Variants in RAPGEF5 observed in about 807,000 individuals in gnomAD.
RAPGEF5 encodes the protein Rap guanine nucleotide exchange factor 5.
Under a neutral mutation model 125.2 loss-of-function variants are expected in RAPGEF5, and 65 were observed. The ratio of observed to expected loss-of-function variants is 0.52; its 90% CI spans 0.43 to 0.64. The LOEUF (loss-of-function observed/expected upper bound fraction) is 0.64. Ranked by LOEUF, RAPGEF5 falls within the 30% of genes least tolerant of loss-of-function variation. The pLI is 0.00. For missense variants in RAPGEF5, 958 were observed against 1,048.1 expected, an observed-to-expected ratio of 0.91 and a Z score of 1.19; for synonymous variants, 391 against 385.9, an observed-to-expected ratio of 1.01 and a Z score of -0.16.
rs1332853547 is a variant in RAPGEF5 at position 22,156,793 on chromosome 7, C to T, written c.1636+17G>A. On this transcript the variant is annotated intron_variant, in intron 16 of 25. Transcript: ENST00000665637. ...ACTGCTGCCCACCCCCAAACCCTCA[C>T]TTCAAACCATACTCACTTTCCTCCG... 2.5e-6 allele frequency: 4 copies of T among 1,613,844 alleles called. No homozygotes were observed. The highest frequency in any genetic ancestry group is 3.3e-5 in the Admixed American group (2 of 60,026).
intron 7 of RAPGEF5, among the ~76,000 whole-genome samples, chr7:22,239,820 T>C (rs1786279567): frequency 6.6e-6 from 1 of 152,192 alleles, no homozygotes; most frequent in Non-Finnish European, 1.5e-5. Flanking sequence ...GCATAAATAC[T>C]TATCCCACTG....
At chr7:22,190,446 G>C (rs1323453839) in intron 11 of RAPGEF5, among the ~76,000 whole-genome samples, 1 of 152,112 alleles carries the variant, frequency 6.6e-6, no homozygotes, top group Non-Finnish European at 1.5e-5. Flanking sequence ...ATCATTAGTA[G>C]GTTGCTTTTA....
At chr7:22,215,112 A>G (rs1785604632) in intron 9 of RAPGEF5, among the ~76,000 whole-genome samples, 1 of 152,178 alleles carries the variant, frequency 6.6e-6, no homozygotes, top group Non-Finnish European at 1.5e-5. Context: ...TCTAGAATGA[A>G]GTAAAACTTC....
chr7:22,258,620 G>C (rs1394671929), intron 7 of RAPGEF5, among the ~76,000 whole-genome samples: 4 of 76,836 alleles, frequency 5.2e-5, no homozygotes, highest in Admixed American at 2.1e-4. Flanking sequence ...GCGAAACTCC[G>C]TCTCAAAAAA....
chr7:22,233,685 A>C (rs1308251172), intron 7 of RAPGEF5, among the ~76,000 whole-genome samples: 1 of 152,154 alleles, frequency 6.6e-6, no homozygotes, highest in African/African-American at 2.4e-5. Flanking sequence ...GGTATGAGCC[A>C]CCTCACCTGG....
intron 7 of RAPGEF5, among the ~76,000 whole-genome samples, chr7:22,250,059 A>G (rs1786580203): frequency 6.6e-6 from 1 of 152,322 alleles, no homozygotes; most frequent in African/African-American, 2.4e-5. Flanking sequence ...TTTACAAAGT[A>G]TCTATCTATC....
chr7:22,276,458 A>T (rs1040114112), intron 6 of RAPGEF5, among the ~76,000 whole-genome samples: 3 of 152,228 alleles, frequency 2.0e-5, no homozygotes, highest in Non-Finnish European at 4.4e-5. Context: ...AACTACATCA[A>T]CAGTGAAGTC....
At chr7:22,131,145 A>G in intron 23 of RAPGEF5, 44 bp from the exon 24 acceptor site, 1 of 1,499,260 alleles carries the variant, frequency 6.7e-7, no homozygotes, top group Non-Finnish European at 8.9e-7. Context: ...TTAGGAATGG[A>G]TCATGAGTCA....
At chr7:22,272,102 G>A (rs189551925) in intron 6 of RAPGEF5, among the ~76,000 whole-genome samples, 1 of 152,072 alleles carries the variant, frequency 6.6e-6, no homozygotes, top group African/African-American at 2.4e-5. Flanking sequence ...CCAGCACTTT[G>A]GGAGGTCGAG....
At chr7:22,349,301 G>A (rs1336933769) in intron 1 of RAPGEF5, among the ~76,000 whole-genome samples, 1 of 151,310 alleles carries the variant, frequency 6.6e-6, no homozygotes, top group Non-Finnish European at 1.5e-5. Flanking sequence ...GTGGATGCCT[G>A]TAATCCCAGC....
intron 6 of RAPGEF5, among the ~76,000 whole-genome samples, chr7:22,289,989 CAATTA>C (rs1782892441): frequency 6.6e-6 from 1 of 152,174 alleles, no homozygotes; most frequent in Admixed American, 6.5e-5. Context: ...AACTGTAAGT[CAATTA>C]ATCCTCTTTC....
At chr7:22,270,361 T>C (rs1782389264) in intron 6 of RAPGEF5, among the ~76,000 whole-genome samples, 1 of 152,212 alleles carries the variant, frequency 6.6e-6, no homozygotes, top group African/African-American at 2.4e-5. Flanking sequence ...ACATAATAAA[T>C]ACACGTTGTT....
At chr7:22,249,831 C>T (rs918430239) in intron 7 of RAPGEF5, among the ~76,000 whole-genome samples, 1 of 152,168 alleles carries the variant, frequency 6.6e-6, no homozygotes, top group Non-Finnish European at 1.5e-5. Context: ...ATCTGAATCA[C>T]TGAGGGCTAA....
Position 22,309,990 on chromosome 7 carries a change from C to A in RAPGEF5, c.490G>T (p.Asp164Tyr), listed in dbSNP as rs1783431014. 1 of 1,589,648 alleles carries A rather than the reference C, an allele frequency of 6.3e-7. No homozygotes were observed. Among genetic ancestry groups the A allele is most frequent in the Admixed American group, 1.8e-5 (1 of 54,174 alleles). The change falls in exon 4 of 26, where the codon GAC (aspartate) becomes TAC (tyrosine). Residue 164 changes from aspartate to tyrosine, a missense_variant. Asp to Tyr is a radical substitution (Grantham distance 160, BLOSUM62 -3). Transcript: ENST00000665637. ...TAACCTGATAACATAATTCCCATGT[C>A]CAGTAGGAGTTGCCAGACTCCTATG... ...MAIGVWQLLLDMGIMLSVDQH... is the reference protein window; with the variant it reads ...MAIGVWQLLLYMGIMLSVDQH...
intron 6 of RAPGEF5, among the ~76,000 whole-genome samples, chr7:22,275,840 A>G (rs1782542162): frequency 6.6e-6 from 1 of 152,242 alleles, no homozygotes; most frequent in Admixed American, 6.5e-5. Flanking sequence ...GAATGAATAG[A>G]TAAAAAATAA....
At chr7:22,183,098 C>A (rs1365521030) in intron 11 of RAPGEF5, among the ~76,000 whole-genome samples, 3 of 151,662 alleles carry the variant, frequency 2.0e-5, no homozygotes, top group South Asian at 4.2e-4. Flanking sequence ...CATAGTGAAA[C>A]CCTGTCTCTA....
intron 18 of RAPGEF5, among the ~76,000 whole-genome samples, chr7:22,148,588 CAA>C (rs1783519057): frequency 1.3e-5 from 2 of 152,156 alleles, no homozygotes; most frequent in Admixed American, 6.5e-5. Context: ...TCCAGTAGGA[CAA>C]TTTTAGGTGG....
chr7:22,181,256 AC>A (rs979156635), intron 11 of RAPGEF5, among the ~76,000 whole-genome samples: 16 of 152,232 alleles, frequency 1.1e-4, no homozygotes, highest in Non-Finnish European at 1.9e-4. Context: ...GAAAAAGCTT[AC>A]TTGCTGTCAG....
At chr7:22,123,572 C>T (rs1226783685) in intron 25 of RAPGEF5, among the ~76,000 whole-genome samples, 1 of 152,032 alleles carries the variant, frequency 6.6e-6, no homozygotes, top group South Asian at 2.1e-4. Flanking sequence ...CCTTTTTTCT[C>T]CTCTATAACA....
Sources: gnomAD v4.1 joint callset for allele counts (sites outside exome capture counted in the v4.1 genomes callset) on GRCh38, gnomAD v4.1.1 for gene constraint, MANE v1.5 for transcripts, NCBI Gene and HGNC (gene_info 2026-07-23, HGNC 2026-07-21) for gene names.